The following CA10 variants were observed in gnomAD, a reference collection of about 807,000 sequenced individuals.
CA10 encodes the protein carbonic anhydrase-related protein 10.
In CA10, 14 loss-of-function variants were observed where a neutral mutation model predicts 44.2. The observed-to-expected ratio is 0.32, with a 90% CI of 0.21 to 0.50. The LOEUF (loss-of-function observed/expected upper bound fraction) is 0.50, where lower values mean the gene tolerates loss of function less well. Among genes scored for constraint, CA10 ranks in the 20% least tolerant of loss-of-function variants. CA10 has a pLI of 0.99. For missense variants in CA10, 350 were observed against 409.7 expected (o/e 0.85, Z 1.26); for synonymous variants, 159 against 141.6 (o/e 1.12, Z -0.87).
At chr17:51,815,608 C>T (rs888746566) in intron 3 of CA10, among the ~76,000 whole-genome samples, 1 of 152,058 alleles carries the variant, frequency 6.6e-6, no homozygotes, top group Non-Finnish European at 1.5e-5. Flanking sequence ...ATCCATGCTC[C>T]TTTTTACCAT....
At chr17:51,798,397 A>G (rs1202120350) in intron 3 of CA10, among the ~76,000 whole-genome samples, 1 of 152,234 alleles carries the variant, frequency 6.6e-6, no homozygotes, top group Non-Finnish European at 1.5e-5. Context: ...ATACATGCCC[A>G]ATGGCATTTA....
chr17:51,873,184 G>A (rs373981240), intron 3 of CA10, among the ~76,000 whole-genome samples: 2 of 152,122 alleles, frequency 1.3e-5, no homozygotes, highest in Admixed American at 6.5e-5. Flanking sequence ...ATGTAACAGC[G>A]TTAAAGATTA....
At chr17:52,102,712 T>C (rs1471528356) in intron 1 of CA10, among the ~76,000 whole-genome samples, 1 of 152,224 alleles carries the variant, frequency 6.6e-6, no homozygotes, top group African/African-American at 2.4e-5. Flanking sequence ...ACTTGCTGCC[T>C]GATTCATGAG....
chr17:52,102,761 T>G (rs1988570017), intron 1 of CA10, among the ~76,000 whole-genome samples: 1 of 152,236 alleles, frequency 6.6e-6, no homozygotes, highest in Non-Finnish European at 1.5e-5. Context: ...AATTTTATTG[T>G]GCCTCAGTTT....
chr17:51,991,139 G>T (rs149272437), intron 2 of CA10, among the ~76,000 whole-genome samples: 1 of 152,048 alleles, frequency 6.6e-6, no homozygotes, highest in Non-Finnish European at 1.5e-5. Flanking sequence ...ATCACCTAGG[G>T]TTTCTGACAG....
intron 2 of CA10, among the ~76,000 whole-genome samples, chr17:51,987,299 T>C (rs929372374): frequency 6.6e-6 from 1 of 152,064 alleles, no homozygotes; most frequent in Non-Finnish European, 1.5e-5. Context: ...CATCATATAT[T>C]CTCACTCATC....
At chr17:52,046,032 A>C (rs2144200494) in intron 2 of CA10, among the ~76,000 whole-genome samples, 1 of 152,066 alleles carries the variant, frequency 6.6e-6, no homozygotes, top group East Asian at 2.0e-4. Context: ...GAACTGAATA[A>C]AAATTAAATC....
At chr17:51,722,344 C>T (rs780256295) in intron 4 of CA10, among the ~76,000 whole-genome samples, 3 of 152,016 alleles carry the variant, frequency 2.0e-5, no homozygotes, top group Non-Finnish European at 1.5e-5. Flanking sequence ...TCCAGTGGCC[C>T]ACCTCCTTGC....
chr17:52,031,986 C>A (rs1286592347), intron 2 of CA10, among the ~76,000 whole-genome samples: 1 of 152,074 alleles, frequency 6.6e-6, no homozygotes, highest in African/African-American at 2.4e-5. Flanking sequence ...CAAGAGCTGC[C>A]ATGAGCACAG....
chr17:51,659,632 CA>C (rs1913926956), intron 4 of CA10, among the ~76,000 whole-genome samples: 1 of 152,202 alleles, frequency 6.6e-6, no homozygotes, highest in Non-Finnish European at 1.5e-5. Flanking sequence ...AGTTAGTCAT[CA>C]TCACCACTTT....
intron 1 of CA10, among the ~76,000 whole-genome samples, chr17:52,110,551 G>A (rs1393839225): frequency 6.6e-6 from 1 of 152,194 alleles, no homozygotes; most frequent in Non-Finnish European, 1.5e-5. Flanking sequence ...TATTTGAGAT[G>A]GAGATTTGGG....
At chr17:51,759,356 CTCTG>C (rs1283849078) in intron 3 of CA10, among the ~76,000 whole-genome samples, 1 of 88,046 alleles carries the variant, frequency 1.1e-5, no homozygotes, top group African/African-American at 4.7e-5. Flanking sequence ...CACTTCTTTG[CTCTG>C]TGTGTGTGTG....
intron 3 of CA10, among the ~76,000 whole-genome samples, chr17:51,929,146 C>T (rs203083): frequency 0.54 from 81,675 of 151,900 alleles, 22,473 homozygotes; most frequent in African/African-American, 0.57. Context: ...CAAGTCATAA[C>T]ATGTGAGTGA....
At chr17:51,899,692 T>C (rs1440578323) in intron 3 of CA10, among the ~76,000 whole-genome samples, 2 of 152,112 alleles carry the variant, frequency 1.3e-5, no homozygotes, top group Non-Finnish European at 2.9e-5. Flanking sequence ...AAGTCTCTTT[T>C]AGGTCTCTAA....
intron 3 of CA10, among the ~76,000 whole-genome samples, chr17:51,783,676 G>C (rs969352549): frequency 6.6e-6 from 1 of 152,342 alleles, no homozygotes; most frequent in African/African-American, 2.4e-5. Context: ...AGTGAGGTGA[G>C]GTGAAGGTCT....
chr17:51,756,313 A>C (rs1389807167), intron 3 of CA10, among the ~76,000 whole-genome samples: 1 of 152,140 alleles, frequency 6.6e-6, no homozygotes, highest in Non-Finnish European at 1.5e-5. Context: ...AGAAGCTCAA[A>C]GGGGTTAAAG....
intron 1 of CA10, among the ~76,000 whole-genome samples, chr17:52,104,064 A>G (rs914827781): frequency 3.3e-5 from 5 of 152,166 alleles, no homozygotes; most frequent in African/African-American, 1.2e-4. Flanking sequence ...AATTAATAAT[A>G]CCTGCCTCAC....
intron 3 of CA10, among the ~76,000 whole-genome samples, chr17:51,789,875 T>C (rs925174829): frequency 2.0e-5 from 3 of 152,232 alleles, no homozygotes; most frequent in Non-Finnish European, 4.4e-5. Flanking sequence ...TTAGGAGATA[T>C]TGTGGAGATG....
intron 1 of CA10, among the ~76,000 whole-genome samples, chr17:52,111,505 T>C (rs1051750646): frequency 1.3e-5 from 2 of 152,182 alleles, no homozygotes; most frequent in African/African-American, 2.4e-5. Flanking sequence ...GTGGATCTAC[T>C]GATGTCATGC....
Sources: gnomAD v4.1 joint callset for allele counts (sites outside exome capture counted in the v4.1 genomes callset) on GRCh38, gnomAD v4.1.1 for gene constraint, MANE v1.5 for transcripts, NCBI Gene and HGNC (gene_info 2026-07-23, HGNC 2026-07-21) for gene names.